PTPRG: variants seen among roughly 807,000 people sequenced by gnomAD.
PTPRG encodes receptor-type tyrosine-protein phosphatase gamma.
Under a neutral mutation model 165.3 loss-of-function variants are expected in PTPRG, and 102 were observed. That is an observed-to-expected ratio of 0.62 (90% CI 0.53 to 0.73). The LOEUF is 0.73. PTPRG is among the 30% of genes least tolerant of loss of function. The probability of loss-of-function intolerance (pLI) is 0.00; values close to 1 mark genes in which losing one functional copy is unlikely to be tolerated. For synonymous variants in PTPRG, 675 were observed against 669.5 expected (o/e 1.01, Z -0.13); for missense variants, 1,866 against 1,861.4 (o/e 1.00, Z -0.05).
At chr3:62,030,864 G>T (rs1014081800) in intron 4 of PTPRG, among the ~76,000 whole-genome samples, 1 of 152,172 alleles carries the variant, frequency 6.6e-6, no homozygotes, top group Non-Finnish European at 1.5e-5. Flanking sequence ...CAGGAACTTA[G>T]ACTGACCCCC....
intron 3 of PTPRG, among the ~76,000 whole-genome samples, chr3:62,002,969 C>G (rs1403321715): frequency 6.6e-6 from 1 of 152,084 alleles, no homozygotes; most frequent in African/African-American, 2.4e-5. Context: ...TTGGGGTAGC[C>G]CCATGAATCA....
intron 2 of PTPRG, among the ~76,000 whole-genome samples, chr3:61,853,519 T>C (rs1396428259): frequency 6.6e-6 from 1 of 152,188 alleles, no homozygotes; most frequent in Non-Finnish European, 1.5e-5. Context: ...ACTTAGGAAA[T>C]GGATCCTCCA....
intron 13 of PTPRG, among the ~76,000 whole-genome samples, chr3:62,226,533 G>A (rs1335144589): frequency 6.6e-6 from 1 of 152,202 alleles, no homozygotes; most frequent in African/African-American, 2.4e-5. Flanking sequence ...CAGCTGATCA[G>A]TGCTAGTTTT....
At chr3:61,759,439 G>C (rs2033755927) in intron 2 of PTPRG, among the ~76,000 whole-genome samples, 1 of 152,130 alleles carries the variant, frequency 6.6e-6, no homozygotes, top group South Asian at 2.1e-4. Context: ...AGGATCACTT[G>C]AGCCGAGGAG....
intron 2 of PTPRG, among the ~76,000 whole-genome samples, chr3:61,843,444 A>G (rs886276166): frequency 6.6e-6 from 1 of 152,184 alleles, no homozygotes; most frequent in Non-Finnish European, 1.5e-5. Flanking sequence ...AATGAATACA[A>G]TGTAAGATAG....
intron 4 of PTPRG, among the ~76,000 whole-genome samples, chr3:62,033,522 GC>G (rs2107787399): frequency 7.1e-6 from 1 of 140,652 alleles, no homozygotes; most frequent in African/African-American, 2.7e-5. Flanking sequence ...CACATACCAT[GC>G]CTATCTTCCC....
At chr3:61,621,045 A>ATGTGTG (rs1414471842) in intron 1 of PTPRG, among the ~76,000 whole-genome samples, 10 of 77,540 alleles carry the variant, frequency 1.3e-4, no homozygotes, top group Middle Eastern at 0.012. Flanking sequence ...ATATATATAT[A>ATGTGTG]TATATATGTG....
At chr3:61,659,464 G>A in intron 1 of PTPRG, 3 of 983,880 alleles carry the variant, frequency 3.0e-6, no homozygotes, top group Non-Finnish European at 3.6e-6. Flanking sequence ...CCAGACAGTG[G>A]GGTGACCAGG....
intron 1 of PTPRG, among the ~76,000 whole-genome samples, chr3:61,729,336 C>T (rs2032397494): frequency 6.6e-6 from 1 of 152,134 alleles, no homozygotes; most frequent in African/African-American, 2.4e-5. Flanking sequence ...GTCTGATTGT[C>T]CTGTGTTCTT....
At chr3:61,779,649 T>G (rs551116837) in intron 2 of PTPRG, among the ~76,000 whole-genome samples, 2 of 152,240 alleles carry the variant, frequency 1.3e-5, no homozygotes, top group Non-Finnish European at 2.9e-5. Context: ...TTAGGAAGAT[T>G]AGCTTCTTAA....
chr3:61,942,684 A>C (rs933099732), intron 2 of PTPRG, among the ~76,000 whole-genome samples: 1 of 152,226 alleles, frequency 6.6e-6, no homozygotes, highest in Non-Finnish European at 1.5e-5. Context: ...TAGCCAGAAG[A>C]GCTAAGTCTT....
intron 25 of PTPRG, among the ~76,000 whole-genome samples, chr3:62,277,272 A>G (rs567731077): frequency 6.6e-6 from 1 of 152,278 alleles, no homozygotes; most frequent in South Asian, 2.1e-4. Flanking sequence ...AATTAATTTT[A>G]TTGTTAATTT....
intron 2 of PTPRG, among the ~76,000 whole-genome samples, chr3:61,813,140 A>C (rs886373254): frequency 5.3e-5 from 8 of 152,012 alleles, no homozygotes; most frequent in Admixed American, 4.6e-4. Flanking sequence ...GTGGGGCTCA[A>C]CGGAATGGTA....
chr3:62,118,706 T>TCTGTATTCCA (rs1249939981), intron 5 of PTPRG, among the ~76,000 whole-genome samples: 1 of 152,216 alleles, frequency 6.6e-6, no homozygotes, highest in East Asian at 1.9e-4. Flanking sequence ...AATCCCCTGG[T>TCTGTATTCCA]CTGTATACAG....
chr3:61,868,047 T>C (rs1343032895), intron 2 of PTPRG, among the ~76,000 whole-genome samples: 1 of 152,210 alleles, frequency 6.6e-6, no homozygotes, highest in Non-Finnish European at 1.5e-5. Flanking sequence ...TTCAGTCTGA[T>C]ACCTGTAGTC....
At chr3:61,604,415 TG>T (rs1700945987) in intron 1 of PTPRG, among the ~76,000 whole-genome samples, 1 of 152,246 alleles carries the variant, frequency 6.6e-6, no homozygotes, top group Admixed American at 6.5e-5. Flanking sequence ...CTTCTGCCAG[TG>T]GTTTTAAGTT....
At chr3:62,264,320 A>AC (rs1007472545) in intron 17 of PTPRG, among the ~76,000 whole-genome samples, 16 of 152,228 alleles carry the variant, frequency 1.1e-4, no homozygotes, top group African/African-American at 3.9e-4. Flanking sequence ...CTCCAAAAAA[A>AC]AAAAAATTTC....
At chr3:61,985,811 A>AGC (rs1390208251) in intron 2 of PTPRG, among the ~76,000 whole-genome samples, 8 of 152,242 alleles carry the variant, frequency 5.3e-5, no homozygotes, top group African/African-American at 2.4e-5. Flanking sequence ...AGGCATCAAA[A>AGC]GCAAGAGTTC....
intron 2 of PTPRG, among the ~76,000 whole-genome samples, chr3:61,928,997 G>A (rs908641796): frequency 3.3e-5 from 5 of 152,122 alleles, no homozygotes; most frequent in African/African-American, 7.2e-5. Flanking sequence ...AGTAGAGGCC[G>A]GGGATGCCAC....
Sources: allele counts gnomAD v4.1 joint callset (sites outside exome capture counted in the v4.1 genomes callset), GRCh38; gene constraint gnomAD v4.1.1; transcripts MANE v1.5; gene names NCBI Gene and HGNC (gene_info 2026-07-23, HGNC 2026-07-21).